Variants in BIRC3 observed in about 807,000 individuals in gnomAD.
The protein encoded by BIRC3 is baculoviral IAP repeat containing 3, also known as baculoviral IAP repeat-containing protein 3.
A neutral mutation model predicts 59.0 loss-of-function variants in BIRC3; 26 were observed. The observed-to-expected ratio is 0.44, with a 90% confidence interval of 0.32 to 0.61. The LOEUF is 0.61. BIRC3 is among the 20% of genes least tolerant of loss of function. The probability of loss-of-function intolerance (pLI) is 0.04; values close to 1 mark genes in which losing one functional copy is unlikely to be tolerated. For missense variants in BIRC3, 641 were observed against 711.5 expected, an observed-to-expected ratio of 0.90 and a Z score of 1.13; for synonymous variants, 243 against 249.2, an observed-to-expected ratio of 0.98 and a Z score of 0.24.
In BIRC3 at chr11:102,325,506, A is replaced by G. The variant is rs1238566529; in HGVS notation, c.894A>G (p.Gly298=). 1 of 1,612,942 alleles carries G rather than the reference A, an allele frequency of 6.2e-7. No individual in the cohort carries two copies. The change falls in exon 3 of 9, where the codon GGA becomes GGG. Residue 298 remains glycine, a synonymous_variant. Coordinates refer to ENST00000263464, the MANE Select transcript of BIRC3 (RefSeq NM_001165.5). The part of the protein sequence containing the change: ...DDVKCFCCDG[G]LRCWESGDDP... ...TCAAATGCTTTTGCTGTGATGGTGG[A>G]CTCAGGTGTTGGGAATCTGGAGATG... is the stretch of plus-strand genomic sequence containing the variant.
chr11:102,332,985 C>T (rs530395423), intron 6 of BIRC3, among the ~76,000 whole-genome samples: 157 of 152,256 alleles, frequency 1.0e-3, no homozygotes, highest in African/African-American at 3.6e-3. Flanking sequence ...TAAAACTATC[C>T]ACTTATAAAA....
rs1052199675 is a variant in BIRC3 at position 102,338,176 on chromosome 11, G to A, written c.*1074G>A. The A allele has an allele frequency of 4.4e-6, 1 of 227,680 alleles. No homozygotes were observed. Among genetic ancestry groups the A allele is most frequent in the East Asian group, 6.3e-5 (1 of 15,878 alleles). 14.1% of individuals were successfully genotyped at this position (227,680 alleles called of 1,614,324 possible). ...GCATTATGTTATTGGTACTCAACAC[G>A]TCCGAGTCATAACTCTGTCCTTTGC... On this transcript the variant is annotated 3_prime_UTR_variant, in exon 9 of 9. Coordinates refer to ENST00000263464, the MANE Select transcript of BIRC3 (RefSeq NM_001165.5).
rs1408985207 is a variant in BIRC3, at chr11:102,325,528, G to A, written c.916G>A (p.Asp306Asn). The A allele has an allele frequency of 6.2e-7, 1 of 1,612,928 alleles. No individual in the cohort carries two copies. Among genetic ancestry groups the A allele is most frequent in the Non-Finnish European group, 8.5e-7 (1 of 1,179,336 alleles). The change falls in exon 3 of 9, where the codon GAT (aspartate) becomes AAT (asparagine). Residue 306 changes from aspartate (D) to asparagine (N), a missense_variant. Asp to Asn is a conservative substitution (Grantham distance 23, BLOSUM62 1). Coordinates refer to ENST00000263464, the MANE Select transcript of BIRC3 (RefSeq NM_001165.5). ...TGGACTCAGGTGTTGGGAATCTGGAGATGATCCATGGGTTCAACATGCCAA... is the reference window on the plus strand; with the variant it reads ...TGGACTCAGGTGTTGGGAATCTGGAAATGATCCATGGGTTCAACATGCCAA... ...DGGLRCWESG[D>N]DPWVQHAKWF...
At chr11:102,329,219 C>A (rs1420876422) in intron 5 of BIRC3, among the ~76,000 whole-genome samples, 4 of 152,128 alleles carry the variant, frequency 2.6e-5, no homozygotes, top group Non-Finnish European at 4.4e-5. Context: ...ATAGTTTTAA[C>A]AAACTACATA....
Position 102,324,038 on chromosome 11 carries a change from A to G in BIRC3, c.-472A>G, listed in dbSNP as rs1460336609. 4.8e-6 allele frequency: 1 copy of G among 209,716 alleles called. No homozygotes were observed. The highest frequency in any genetic ancestry group is 9.7e-6 in the Non-Finnish European group (1 of 103,082). 13.0% of individuals were successfully genotyped at this position (209,716 alleles called of 1,614,324 possible). ...AAAAAGCAAAATAAACATATTCTGA[A>G]TATTTTTGCTGTGAAACACTTGACA... On this transcript the variant is annotated 5_prime_UTR_variant, in exon 2 of 9. Transcript: ENST00000263464.
At chr11:102,335,156 A>G (rs1220682504) in intron 6 of BIRC3, among the ~76,000 whole-genome samples, 1 of 152,194 alleles carries the variant, frequency 6.6e-6, no homozygotes, top group Non-Finnish European at 1.5e-5. Context: ...GCACAAAAAT[A>G]GCTTTAACCT....
intron 3 of BIRC3, among the ~76,000 whole-genome samples, chr11:102,327,510 G>A (rs1951095667): frequency 6.6e-6 from 1 of 151,980 alleles, no homozygotes; most frequent in Non-Finnish European, 1.5e-5. Flanking sequence ...CATGGTGGCA[G>A]GCACCTGCAA....
chr11:102,335,227 G>A (rs1951183620), intron 6 of BIRC3, among the ~76,000 whole-genome samples: 1 of 152,174 alleles, frequency 6.6e-6, no homozygotes, highest in Admixed American at 6.5e-5. Flanking sequence ...GGGCGACAGA[G>A]CAAGACTCTG....
chr11:102,331,126 C>T lies in BIRC3; in HGVS notation c.1209C>T (p.Ile403=), dbSNP rs1248846677. ...TAAAACAGACAGTTCAGAGAAAAAT[C>T]CTAGCAACTGGAGAGAATTATAGAC... ...SLVKQTVQRK[I]LATGENYRLV... Residue 403 remains isoleucine, a synonymous_variant, in exon 6 of 9, where the codon ATC becomes ATT. Transcript: ENST00000263464. 36 of 1,613,578 alleles carry T rather than the reference C, an allele frequency of 2.2e-5. No homozygotes were observed. The highest frequency in any genetic ancestry group is 3.1e-5 in the Non-Finnish European group (36 of 1,179,846).
In BIRC3 at chr11:102,338,665, G is replaced by A. The variant is rs956592754; in HGVS notation, c.*1563G>A. Reference sequence around the variant, plus strand: ...TCCTCCTGGATATAGGGCAGGGCCTGTATGGGATGGGGATATTATAACCTG... The same window carrying A: ...TCCTCCTGGATATAGGGCAGGGCCTATATGGGATGGGGATATTATAACCTG... On this transcript the variant is annotated 3_prime_UTR_variant, in exon 9 of 9. Transcript: ENST00000263464. 3 of 229,100 alleles carry A rather than the reference G, an allele frequency of 1.3e-5. No homozygotes were observed. The highest frequency in any genetic ancestry group is 1.8e-4 in the South Asian group (1 of 5,486). 14.2% of individuals were successfully genotyped at this position (229,100 alleles called of 1,614,324 possible). A position where few individuals can be genotyped will look rare whatever the true frequency, so the allele number is the denominator to read the frequency against.
Position 102,324,435 on chromosome 11 carries a change from GATAA to G in BIRC3, c.-73_-70del. On this transcript the variant is annotated 5_prime_UTR_variant, in exon 2 of 9. An upstream open reading frame in the 5' UTR gains an earlier in-frame stop. Coordinates refer to ENST00000263464, the MANE Select transcript of BIRC3 (RefSeq NM_001165.5). ...GGCTTTTCAGCCTAGTATTAAAACTGATAAAAGCAAAGCCATGCACAAAACTACC... is the reference window on the plus strand; with the variant it reads ...GGCTTTTCAGCCTAGTATTAAAACTGAAGCAAAGCCATGCACAAAACTACC... 1 of 1,495,844 alleles carries G rather than the reference GATAA, an allele frequency of 6.7e-7. No individual in the cohort carries two copies. Among genetic ancestry groups the G allele is most frequent in the Non-Finnish European group, 8.9e-7 (1 of 1,121,272 alleles). 92.7% of individuals were successfully genotyped at this position (1,495,844 alleles called of 1,614,324 possible). A position where few individuals can be genotyped will look rare whatever the true frequency, so the allele number is the denominator to read the frequency against.
chr11:102,331,230 A>G lies in BIRC3; in HGVS notation c.1313A>G (p.Glu438Gly). The change falls in exon 6 of 9, where the codon GAA (glutamate) becomes GGA (glycine). Residue 438 changes from glutamate to glycine, a missense_variant. Around this residue, in one of 4 missense-constraint regions of BIRC3, gnomAD observed 268 missense variants for 255.7 expected, o/e 1.05. Transcript: ENST00000263464. Reference protein sequence around the residue: ...REEERERATEEKESNDLLLIR... With the variant: ...REEERERATEGKESNDLLLIR... Reference sequence around the variant, plus strand: ...GAGGAGAGAGAAAGAGCAACTGAGGAAAAAGAATCAAGTATGTAGATTTAT... The same window carrying G: ...GAGGAGAGAGAAAGAGCAACTGAGGGAAAAGAATCAAGTATGTAGATTTAT... The G allele has an allele frequency of 6.2e-7, 1 of 1,608,282 alleles. No homozygotes were observed. The highest frequency in any genetic ancestry group is 8.5e-7 in the Non-Finnish European group (1 of 1,178,188).
intron 5 of BIRC3, among the ~76,000 whole-genome samples, chr11:102,330,460 T>C (rs1268998051): frequency 2.6e-5 from 4 of 152,218 alleles, no homozygotes; most frequent in Non-Finnish European, 4.4e-5. Flanking sequence ...GTTCAGATTG[T>C]ATGAGACTTT....
intron 6 of BIRC3, among the ~76,000 whole-genome samples, chr11:102,331,883 C>T (rs919584584): frequency 3.9e-5 from 6 of 152,100 alleles, no homozygotes; most frequent in South Asian, 2.1e-4. Flanking sequence ...TCAAGTGATC[C>T]GCCCGCCTCG....
intron 7 of BIRC3, chr11:102,336,535 C>T (rs1208248430): frequency 5.2e-6 from 3 of 580,376 alleles, no homozygotes; most frequent in Non-Finnish European, 8.8e-6. Context: ...TAGAGGCTCC[C>T]ATGAGCTGTG....
chr11:102,317,984 T>G (rs748233099), intron 1 of BIRC3, among the ~76,000 whole-genome samples: 1 of 152,210 alleles, frequency 6.6e-6, no homozygotes, highest in African/African-American at 2.4e-5. Flanking sequence ...TTCCAAGCGG[T>G]GGTAGGAAGA....
intron 6 of BIRC3, among the ~76,000 whole-genome samples, chr11:102,333,917 G>A (rs13377354): frequency 0.012 from 1,844 of 152,252 alleles, 27 homozygotes; most frequent in African/African-American, 0.042. Context: ...ACTGGACAAC[G>A]TGGCGAGACC....
intron 1 of BIRC3, among the ~76,000 whole-genome samples, chr11:102,317,916 A>C: frequency 6.6e-6 from 1 of 152,308 alleles, no homozygotes; most frequent in African/African-American, 2.4e-5. Flanking sequence ...ACAGAGCCTA[A>C]GGCAGAGCTC....
Position 102,332,654 on chromosome 11 carries a change from T to C in BIRC3, c.1324+1413T>C, listed in dbSNP as rs528514837. Among the ~76,000 whole-genome samples the C allele has an allele frequency of 2.6e-5, 4 of 152,328 alleles. No individual in the cohort carries two copies. The East Asian group carries it at 7.7e-4, about 29-fold the overall frequency. Reference sequence around the variant, plus strand: ...GATGATTGACAGTCAGATTGTCCACTTCATTTAGGGATAAATCCAACCCTG... The same window carrying C: ...GATGATTGACAGTCAGATTGTCCACCTCATTTAGGGATAAATCCAACCCTG... On this transcript the variant is annotated intron_variant, in intron 6 of 8. Transcript: ENST00000263464.
Sources: gnomAD v4.1 joint callset for allele counts (sites outside exome capture counted in the v4.1 genomes callset) on GRCh38, gnomAD v4.1.1 for gene constraint, gnomAD v4.1.1 regional missense constraint, MANE v1.5 for transcripts, NCBI Gene and HGNC (gene_info 2026-07-23, HGNC 2026-07-21) for gene names.